The following ATP8B1 variants were observed in gnomAD, a reference collection of about 807,000 sequenced individuals.
ATP8B1 encodes the protein ATPase phospholipid transporting 8B1.
In ATP8B1, 80 loss-of-function variants were observed where a neutral mutation model predicts 149.9. The ratio of observed to expected loss-of-function variants is 0.53; its 90% CI spans 0.45 to 0.64. ATP8B1 has a LOEUF of 0.64. Ranked by LOEUF, ATP8B1 falls within the 30% of genes least tolerant of loss-of-function variation. The pLI is 0.00. For missense variants in ATP8B1, 1,247 were observed against 1,552.6 expected (o/e 0.80, Z 3.31); for synonymous variants, 536 against 562.8 (o/e 0.95, Z 0.67).
intron 12 of ATP8B1, 26 bp downstream of exon 12, chr18:57,691,781 C>A: frequency 6.2e-7 from 1 of 1,613,128 alleles, no homozygotes; most frequent in Non-Finnish European, 8.5e-7. Flanking sequence ...TCCATTAAAG[C>A]AAAATGCCAG....
At chr18:57,746,673 A>G (rs2079967043) in intron 1 of ATP8B1, among the ~76,000 whole-genome samples, 1 of 151,636 alleles carries the variant, frequency 6.6e-6, no homozygotes, top group South Asian at 2.1e-4. Context: ...ACAGGGTTTT[A>G]CCATATTGGC....
chr18:57,744,255 C>G (rs993882974), intron 1 of ATP8B1, among the ~76,000 whole-genome samples: 3 of 137,712 alleles, frequency 2.2e-5, no homozygotes, highest in Non-Finnish European at 3.0e-5. Flanking sequence ...GTAGAGGTTG[C>G]AGTGAGCCAA....
At chr18:57,653,289 T>C (rs1359399361) in intron 24 of ATP8B1, among the ~76,000 whole-genome samples, 1 of 147,674 alleles carries the variant, frequency 6.8e-6, no homozygotes, top group Non-Finnish European at 1.5e-5. Flanking sequence ...TTTCTTTTTT[T>C]TTTTTTTTTT....
chr18:57,712,343 G>A (rs1913730005), intron 2 of ATP8B1, among the ~76,000 whole-genome samples: 1 of 152,108 alleles, frequency 6.6e-6, no homozygotes, highest in Non-Finnish European at 1.5e-5. Flanking sequence ...TTGGGAGAGG[G>A]ACAGTGCAGC....
chr18:57,671,430 T>A (rs1911212088), intron 17 of ATP8B1, 38 bp downstream of exon 17: 12 of 1,507,994 alleles, frequency 8.0e-6, no homozygotes, highest in South Asian at 1.1e-5. Flanking sequence ...GAGAGTAAGT[T>A]CAGAATCCCT....
At chr18:57,697,889 G>A in intron 6 of ATP8B1, 22 bp from the exon 7 acceptor site, 1 of 1,580,044 alleles carries the variant, frequency 6.3e-7, no homozygotes, top group Non-Finnish European at 8.7e-7. Flanking sequence ...AAATAATGAG[G>A]ATTTATTGAC....
At chr18:57,657,971 T>C (rs1314309614) in intron 22 of ATP8B1, among the ~76,000 whole-genome samples, 2 of 152,230 alleles carry the variant, frequency 1.3e-5, no homozygotes, top group Non-Finnish European at 2.9e-5. Flanking sequence ...AAATGCGGTG[T>C]TAGGTGCCTC....
chr18:57,649,327 T>C (rs1449105563), intron 27 of ATP8B1, among the ~76,000 whole-genome samples: 1 of 152,118 alleles, frequency 6.6e-6, no homozygotes, highest in Non-Finnish European at 1.5e-5. Flanking sequence ...GAGATATATA[T>C]TGAAGCCAAG....
At chr18:57,723,721 A>C (rs1215973500) in intron 2 of ATP8B1, among the ~76,000 whole-genome samples, 6 of 125,454 alleles carry the variant, frequency 4.8e-5, no homozygotes, top group African/African-American at 1.9e-4. Flanking sequence ...GCTACCAATG[A>C]CTTTCTTCAC....
At chr18:57,719,689 G>A (rs948791615) in intron 2 of ATP8B1, among the ~76,000 whole-genome samples, 1 of 152,212 alleles carries the variant, frequency 6.6e-6, no homozygotes, top group Admixed American at 6.5e-5. Context: ...GGGGAGAGGT[G>A]CCCGCCATTG....
At position 57,655,354 on chromosome 18, in the gene ATP8B1, T is replaced by C. The variant is rs145287364; in HGVS notation, c.2771A>G (p.Tyr924Cys). The part of the protein sequence containing the change: ...EGMQAVMSSD[Y>C]SFAQFRYLQR... The stretch of plus-strand genomic sequence containing the variant: ...CAGATATCGGAACTGAGCAAAGGAA[T>C]AGTCACTCGACATGACAGCTTGCAT... The change falls in exon 23 of 28, where the codon TAT (tyrosine) becomes TGT (cysteine). Residue 924 changes from tyrosine to cysteine, a missense_variant. Physicochemically the swap from Tyr to Cys is radical, Grantham distance 194. Coordinates refer to ENST00000648908, the MANE Select transcript of ATP8B1 (RefSeq NM_001374385.1). 106 of 1,614,090 alleles carry C rather than the reference T, an allele frequency of 6.6e-5. No individual in the cohort carries two copies. The Middle Eastern group carries it at 6.6e-4, about 10-fold the overall frequency.
intron 1 of ATP8B1, among the ~76,000 whole-genome samples, chr18:57,742,760 G>A (rs1050264101): frequency 1.1e-4 from 17 of 151,910 alleles, no homozygotes; most frequent in Admixed American, 6.6e-4. Context: ...GGAGCTCAAG[G>A]CTGCAGTGAG....
At chr18:57,756,236 C>CACACACAT (rs1270164219) in intron 1 of ATP8B1, among the ~76,000 whole-genome samples, 1,908 of 106,018 alleles carry the variant, frequency 0.018, 61 homozygotes, top group Non-Finnish European at 0.025. Flanking sequence ...CACACACACA[C>CACACACAT]ATATATACAC....
chr18:57,712,118 G>A (rs918262749), intron 2 of ATP8B1, among the ~76,000 whole-genome samples: 2 of 151,440 alleles, frequency 1.3e-5, no homozygotes, highest in African/African-American at 4.9e-5. Context: ...CGCACGAATT[G>A]TAATTCCCAT....
intron 1 of ATP8B1, among the ~76,000 whole-genome samples, chr18:57,774,884 C>T (rs574648420): frequency 1.3e-5 from 2 of 152,310 alleles, no homozygotes; most frequent in South Asian, 4.1e-4. Context: ...GTTAATACCA[C>T]ATATTAGTGT....
chr18:57,687,773 A>ATTT lies in ATP8B1; in HGVS notation c.1429+523_1429+525dup, dbSNP rs11342488. Among the ~76,000 whole-genome samples, 888 of 95,252 alleles carry ATTT rather than the reference A, an allele frequency of 9.3e-3. 64 individuals carry two copies. Among genetic ancestry groups the ATTT allele is most frequent in the South Asian group, 0.017 (40 of 2,414 alleles). 62.5% of individuals were successfully genotyped at this position (95,252 alleles called of 152,430 possible). A position where few individuals can be genotyped will look rare whatever the true frequency, so the allele number is the denominator to read the frequency against. ...AGATCATATAGTAATGAGACTTCTA[A>ATTT]TTTTTTTTTTTTTTTTTTTTTTTTT... On this transcript the variant is annotated intron_variant, in intron 13 of 27. Coordinates refer to ENST00000648908, the MANE Select transcript of ATP8B1 (RefSeq NM_001374385.1).
At chr18:57,745,636 C>G (rs1485653450) in intron 1 of ATP8B1, among the ~76,000 whole-genome samples, 5 of 146,942 alleles carry the variant, frequency 3.4e-5, no homozygotes, top group African/African-American at 1.3e-4. Flanking sequence ...GAGTGTCCAA[C>G]AAGATCTCAT....
intron 1 of ATP8B1, among the ~76,000 whole-genome samples, chr18:57,786,888 G>T (rs928153551): frequency 6.6e-6 from 1 of 152,230 alleles, no homozygotes; most frequent in African/African-American, 2.4e-5. Context: ...TTGCTTGAAA[G>T]AGATACTCTT....
intron 1 of ATP8B1, among the ~76,000 whole-genome samples, chr18:57,797,747 G>A (rs888023896): frequency 8.1e-5 from 10 of 123,040 alleles, no homozygotes; most frequent in South Asian, 7.8e-4. Context: ...TCACTCTGTC[G>A]CCCAGGCTGG....
Sources: allele counts gnomAD v4.1 joint callset (sites outside exome capture counted in the v4.1 genomes callset), GRCh38; gene constraint gnomAD v4.1.1; transcripts MANE v1.5; gene names NCBI Gene and HGNC (gene_info 2026-07-23, HGNC 2026-07-21).